The following SLC35C1 variants were observed in gnomAD, a reference collection of about 807,000 sequenced individuals.
SLC35C1 encodes GDP-fucose transporter 1.
In SLC35C1, 8 loss-of-function variants were observed where a neutral mutation model predicts 23.2. That is an observed-to-expected ratio of 0.35 (90% CI 0.20 to 0.62). SLC35C1 has a LOEUF of 0.62. Among genes scored for constraint, SLC35C1 ranks in the 20% least tolerant of loss-of-function variants. SLC35C1 has a pLI of 0.75. For synonymous variants in SLC35C1, 226 were observed against 225.1 expected (o/e 1.00, Z -0.04); for missense variants, 422 against 478.6 (o/e 0.88, Z 1.10).
intron 1 of SLC35C1, among the ~76,000 whole-genome samples, chr11:45,809,458 C>T (rs2085912840): frequency 6.6e-6 from 1 of 152,042 alleles, no homozygotes. Context: ...ACAAGGCTGC[C>T]CAGTCAGGCC....
Position 45,810,788 on chromosome 11 carries a change from T to A in SLC35C1, c.548T>A (p.Leu183His). Residue 183 changes from leucine to histidine, a missense_variant, in exon 2 of 2, where the codon CTT becomes CAT. Physicochemically the swap from Leu to His is moderately conservative, Grantham distance 99. Coordinates refer to ENST00000314134, the MANE Select transcript of SLC35C1 (RefSeq NM_018389.5). ...CTCCCCACTGCAGGGGGCTTCTGGC[T>A]TGGTGTGGACCAGGAGGGGGCAGAA... is the stretch of plus-strand genomic sequence containing the variant. ...TCGIIIGGFW[L>H]GVDQEGAEGT... 6.2e-7 allele frequency: 1 copy of A among 1,611,666 alleles called. No homozygotes were observed. The highest frequency in any genetic ancestry group is 1.7e-5 in the Admixed American group (1 of 59,996).
At chr11:45,806,371 G>C (rs1186967787) in intron 1 of SLC35C1, 35 bp downstream of exon 1, 1 of 1,607,814 alleles carries the variant, frequency 6.2e-7, no homozygotes, top group East Asian at 2.2e-5. Flanking sequence ...GGATAGAGTG[G>C]TCATGGGGAC....
chr11:45,807,048 C>G (rs1248052105), intron 1 of SLC35C1: 1 of 289,394 alleles, frequency 3.5e-6, no homozygotes, highest in Admixed American at 6.5e-5. Context: ...CCTTTGTTCT[C>G]CCAGAGATCC....
intron 1 of SLC35C1, among the ~76,000 whole-genome samples, chr11:45,807,600 C>T (rs1487932407): frequency 6.6e-6 from 1 of 152,186 alleles, no homozygotes; most frequent in African/African-American, 2.4e-5. Flanking sequence ...TTGCTGATGG[C>T]TCAGGGTCCC....
chr11:45,812,915 C>T lies in SLC35C1; in HGVS notation c.*1580C>T, dbSNP rs10838518. 16,541 of 305,278 alleles carry T rather than the reference C, an allele frequency of 0.054. 1,123 individuals carry two copies. Among genetic ancestry groups the T allele is most frequent in the African/African-American group, 0.18 (8,475 of 46,284 alleles). The allele number at this position is 305,278 out of a possible 1,614,324, so 18.9% of individuals were successfully genotyped here. On this transcript the variant is annotated 3_prime_UTR_variant, in exon 2 of 2. Coordinates refer to ENST00000314134, the MANE Select transcript of SLC35C1 (RefSeq NM_018389.5). ...AAGCTAGGGAGAGCGGGTCTTCTCCCCCCTCCCTCTCCAGTCCCCTCACAA... is the reference window on the plus strand; with the variant it reads ...AAGCTAGGGAGAGCGGGTCTTCTCCTCCCTCCCTCTCCAGTCCCCTCACAA...
upstream of SLC35C1, chr11:45,804,946 G>T (rs1195846207): frequency 2.0e-6 from 2 of 985,498 alleles, no homozygotes; most frequent in African/African-American, 1.7e-5. Flanking sequence ...GCAGGGCGAG[G>T]CTCAAGCACC....
At position 45,805,964 on chromosome 11, in the gene SLC35C1, A is replaced by G. The variant is rs767671094; in HGVS notation, c.163A>G (p.Met55Val). 5.0e-6 allele frequency: 8 copies of G among 1,613,926 alleles called. No homozygotes were observed. The Admixed American group carries it at 6.7e-5, about 13-fold the overall frequency. Reference sequence around the variant, plus strand: ...CCTCTACTGGGTCACCTCCATCTCCATGGTGTTCCTTAATAAGTACCTGCT... The same window carrying G: ...CCTCTACTGGGTCACCTCCATCTCCGTGGTGTTCCTTAATAAGTACCTGCT... ...VSLYWVTSIS[M>V]VFLNKYLLDS... Residue 55 changes from methionine to valine, a missense_variant, in exon 1 of 2, where the codon ATG becomes GTG. Met to Val is a conservative substitution (Grantham distance 21). Transcript: ENST00000314134.
chr11:45,812,878 C>G lies in SLC35C1; in HGVS notation c.*1543C>G, dbSNP rs766558309. 18 of 340,654 alleles carry G rather than the reference C, an allele frequency of 5.3e-5. No homozygotes were observed. The highest frequency in any genetic ancestry group is 9.9e-5 in the Non-Finnish European group (17 of 171,436). The allele number at this position is 340,654 out of a possible 1,614,324, so 21.1% of individuals were successfully genotyped here. On this transcript the variant is annotated 3_prime_UTR_variant, in exon 2 of 2. Coordinates refer to ENST00000314134, the MANE Select transcript of SLC35C1 (RefSeq NM_018389.5). Reference sequence around the variant, plus strand: ...TGGGGTGATTTCTGATGTTTTTACTCTATATAGTGAAAAGCTAGGGAGAGC... The same window carrying G: ...TGGGGTGATTTCTGATGTTTTTACTGTATATAGTGAAAAGCTAGGGAGAGC...
At chr11:45,804,888 G>C (rs902668319), upstream of SLC35C1, 64 of 985,802 alleles carry the variant, frequency 6.5e-5, no homozygotes, top group East Asian at 2.3e-4. Flanking sequence ...CTCCGGGGCG[G>C]ACGGAGCTGA....
Position 45,805,747 on chromosome 11 carries a change from TGGA to T in SLC35C1, c.-54_-52del. 3.1e-6 allele frequency: 5 copies of T among 1,604,774 alleles called. No homozygotes were observed. Among genetic ancestry groups the T allele is most frequent in the Non-Finnish European group, 4.2e-6 (5 of 1,179,818 alleles). On this transcript the variant is annotated 5_prime_UTR_variant, in exon 1 of 2. Transcript: ENST00000314134. ...GAGAGCACAAGTGAGCTCACTGCCC[TGGA>T]CTCCAGGGAATCAGAGTTCTGGCCG...
Position 45,805,910 on chromosome 11 carries a change from C to G in SLC35C1, c.109C>G (p.Arg37Gly), listed in dbSNP as rs1292731061. 6.2e-7 allele frequency: 1 copy of G among 1,614,200 alleles called. No individual in the cohort carries two copies. Among genetic ancestry groups the G allele is most frequent in the Admixed American group, 1.7e-5 (1 of 60,034 alleles). The change falls in exon 1 of 2, where the codon CGG becomes GGG. Residue 37 changes from arginine (R) to glycine (G), a missense_variant. Transcript: ENST00000314134. ...EANGEKPFLLRALQIALVVSL... is the reference protein window; with the variant it reads ...EANGEKPFLLGALQIALVVSL... The stretch of plus-strand genomic sequence containing the variant: ...CAACGGGGAGAAGCCCTTTCTGCTG[C>G]GGGCATTGCAGATCGCGCTGGTGGT...
In SLC35C1 at chr11:45,810,420, AGTC is replaced by A. The variant is rs1391874062; in HGVS notation, c.536-354_536-352del. On this transcript the variant is annotated intron_variant, in intron 1 of 1. Coordinates refer to ENST00000314134, the MANE Select transcript of SLC35C1 (RefSeq NM_018389.5). ...ATTTTCAGATGCCCCAGGCCAGCAC[AGTC>A]GCCCACTTACAGGCTCTCACAGCAC... The A allele has an allele frequency of 6.1e-6, 6 of 985,336 alleles. No homozygotes were observed. The African/African-American group carries it at 8.7e-5, about 14-fold the overall frequency. 61.0% of individuals were successfully genotyped at this position (985,336 alleles called of 1,614,324 possible).
Position 45,811,624 on chromosome 11 carries a change from G to C in SLC35C1, c.*289G>C, listed in dbSNP as rs2085949459. ...TTCCCGAGGGAGCACCCTAGTGAGA[G>C]TTGAACCCCTTCCTTCTGCCTCCAG... On this transcript the variant is annotated 3_prime_UTR_variant, in exon 2 of 2. Transcript: ENST00000314134. 2.9e-6 allele frequency: 1 copy of C among 347,782 alleles called. No homozygotes were observed. Among genetic ancestry groups the C allele is most frequent in the South Asian group, 7.7e-5 (1 of 13,004 alleles). The allele number at this position is 347,782 out of a possible 1,614,324, so 21.5% of individuals were successfully genotyped here.
At chr11:45,806,996 A>T (rs561057537) in intron 1 of SLC35C1, 1 of 615,136 alleles carries the variant, frequency 1.6e-6, no homozygotes, top group African/African-American at 2.0e-5. Context: ...AATAATAATT[A>T]TTGATGGGGA....
Position 45,805,332 on chromosome 11 carries a change from C to T in SLC35C1, c.-470C>T, listed in dbSNP as rs1432130828. The T allele has an allele frequency of 9.9e-7, 1 of 1,005,892 alleles. No individual in the cohort carries two copies. Among genetic ancestry groups the T allele is most frequent in the Non-Finnish European group, 1.2e-6 (1 of 837,788 alleles). The allele number at this position is 1,005,892 out of a possible 1,614,324, so 62.3% of individuals were successfully genotyped here. ...GCAGCTCCCTGTACGCCTCCCTCCC[C>T]CTGCCCGCCCCTCCCTCCCACAGCC... is the stretch of plus-strand genomic sequence containing the variant. On this transcript the variant is annotated 5_prime_UTR_variant, in exon 1 of 2. Coordinates refer to ENST00000314134, the MANE Select transcript of SLC35C1 (RefSeq NM_018389.5).
chr11:45,806,843 C>T (rs375805832), intron 1 of SLC35C1: 3 of 971,416 alleles, frequency 3.1e-6, no homozygotes, highest in East Asian at 1.1e-4. Flanking sequence ...TCCTGATTTC[C>T]CAGCCAGTGC....
At position 45,810,963 on chromosome 11, in the gene SLC35C1, C is replaced by G; in HGVS notation, c.723C>G (p.Leu241=). The G allele has an allele frequency of 6.2e-7, 1 of 1,612,902 alleles. No homozygotes were observed. Among genetic ancestry groups the G allele is most frequent in the Non-Finnish European group, 8.5e-7 (1 of 1,180,040 alleles). The change falls in exon 2 of 2, where the codon CTC becomes CTG. Residue 241 remains leucine (L), a synonymous_variant. Coordinates refer to ENST00000314134, the MANE Select transcript of SLC35C1 (RefSeq NM_018389.5). ...TFYNNVNACI[L]FLPLLLLLGE... ...ACAACAACGTCAACGCCTGCATCCT[C>G]TTCCTGCCCCTGCTCCTGCTGCTCG...
chr11:45,812,787 C>G lies in SLC35C1; in HGVS notation c.*1452C>G. The G allele has an allele frequency of 2.5e-6, 1 of 400,806 alleles. No individual in the cohort carries two copies. Among genetic ancestry groups the G allele is most frequent in the South Asian group, 1.8e-5 (1 of 56,534 alleles). 24.8% of individuals were successfully genotyped at this position (400,806 alleles called of 1,614,324 possible). A position where few individuals can be genotyped will look rare whatever the true frequency, so the allele number is the denominator to read the frequency against. Reference sequence around the variant, plus strand: ...GGGCCATACCACCCTTCACCACACCCTCCTGCGCTCAGGGTGGCTTGCAGT... The same window carrying G: ...GGGCCATACCACCCTTCACCACACCGTCCTGCGCTCAGGGTGGCTTGCAGT... On this transcript the variant is annotated 3_prime_UTR_variant, in exon 2 of 2. Coordinates refer to ENST00000314134, the MANE Select transcript of SLC35C1 (RefSeq NM_018389.5).
At chr11:45,807,772 AC>A (rs557268517) in intron 1 of SLC35C1, among the ~76,000 whole-genome samples, 4 of 149,838 alleles carry the variant, frequency 2.7e-5, no homozygotes, top group Non-Finnish European at 5.9e-5. Flanking sequence ...AAGCTGCAAG[AC>A]CCCCCCTGCC....
Sources: gnomAD v4.1 joint callset for allele counts (sites outside exome capture counted in the v4.1 genomes callset) on GRCh38, gnomAD v4.1.1 for gene constraint, MANE v1.5 for transcripts, NCBI Gene and HGNC (gene_info 2026-07-23, HGNC 2026-07-21) for gene names.